PCLO: variants seen among roughly 807,000 people sequenced by gnomAD.
PCLO encodes protein piccolo.
In PCLO, 82 loss-of-function variants were observed where a neutral mutation model predicts 427.5. The ratio of observed to expected loss-of-function variants is 0.19; its 90% CI spans 0.16 to 0.23. The LOEUF (loss-of-function observed/expected upper bound fraction) is 0.23, where lower values mean the gene tolerates loss of function less well. PCLO is among the 10% of genes least tolerant of loss of function. PCLO has a pLI of 1.00. For synonymous variants in PCLO, 2,357 were observed against 2,155.4 expected, an observed-to-expected ratio of 1.09 and a Z score of -2.59; for missense variants, 6,239 against 6,115.9, an observed-to-expected ratio of 1.02 and a Z score of -0.67.
intron 3 of PCLO, among the ~76,000 whole-genome samples, chr7:83,131,801 G>A (rs10954712): frequency 0.48 from 72,872 of 151,600 alleles, 17,996 homozygotes; most frequent in African/African-American, 0.58. Context: ...ACAAAGATCT[G>A]GGAGGAGATG....
rs1790307831 is a variant in PCLO at position 82,755,868 on chromosome 7, T to G, written c.*2707A>C. On this transcript the variant is annotated 3_prime_UTR_variant, in exon 25 of 25. Coordinates refer to ENST00000333891, the MANE Select transcript of PCLO (RefSeq NM_033026.6). ...GAATAATTCCAGTACAACCTAGAAGTTTGGTCAGCTGCAAACTTGGCACAC... is the reference window on the plus strand; with the variant it reads ...GAATAATTCCAGTACAACCTAGAAGGTTGGTCAGCTGCAAACTTGGCACAC... 1 of 152,026 alleles carries G rather than the reference T, an allele frequency of 6.6e-6. No individual in the cohort carries two copies. The highest frequency in any genetic ancestry group is 2.1e-4 in the South Asian group (1 of 4,826). 9.4% of individuals were successfully genotyped at this position (152,026 alleles called of 1,614,324 possible).
chr7:82,833,606 A>T (rs1338165217), intron 16 of PCLO, among the ~76,000 whole-genome samples: 1 of 152,178 alleles, frequency 6.6e-6, no homozygotes, highest in African/African-American at 2.4e-5. Context: ...GATGTATTAC[A>T]TTTTAATATT....
chr7:83,100,129 A>T (rs1013859477), intron 3 of PCLO, among the ~76,000 whole-genome samples: 1 of 152,204 alleles, frequency 6.6e-6, no homozygotes, highest in Non-Finnish European at 1.5e-5. Context: ...CAATTAAAAA[A>T]TAATATAATT....
Position 82,954,190 on chromosome 7 carries a change from C to G in PCLO, c.6763G>C (p.Gly2255Arg), listed in dbSNP as rs866349531. The G allele has an allele frequency of 6.2e-7, 1 of 1,613,424 alleles. No individual in the cohort carries two copies. The highest frequency in any genetic ancestry group is 8.5e-7 in the Non-Finnish European group (1 of 1,179,606). The change falls in exon 5 of 25, where the codon GGT (glycine) becomes CGT (arginine). Residue 2255 changes from glycine to arginine, a missense_variant. Gly to Arg is a moderately radical substitution (Grantham distance 125, BLOSUM62 -2). This residue lies in a region of PCLO where 4,677 missense variants were observed against 4,468.4 expected (regional missense o/e 1.05). Transcript: ENST00000333891. ...ACAATATGATCAGCACTAGCTCTAC[C>G]ATCTGGTGGGGCAGTCCGATCTAAA... ...VSLDRTAPPD[G>R]RASADHIVIS...
chr7:82,830,947 G>A (rs970721521), intron 16 of PCLO, among the ~76,000 whole-genome samples: 4 of 151,822 alleles, frequency 2.6e-5, no homozygotes, highest in East Asian at 1.9e-4. Context: ...TGCCAACTCT[G>A]TATCAGGAAT....
intron 20 of PCLO, among the ~76,000 whole-genome samples, chr7:82,812,879 C>T (rs1323976580): frequency 6.6e-6 from 1 of 151,098 alleles, no homozygotes; most frequent in Non-Finnish European, 1.5e-5. Context: ...TTGCATTAGG[C>T]TGTCAGATAG....
intron 3 of PCLO, among the ~76,000 whole-genome samples, chr7:83,064,836 G>A (rs1789626573): frequency 6.6e-6 from 1 of 151,586 alleles, no homozygotes; most frequent in South Asian, 2.1e-4. Context: ...GAAAATAATT[G>A]GAAAAGAATA....
At chr7:82,989,831 T>G (rs1053029041) in intron 3 of PCLO, among the ~76,000 whole-genome samples, 1 of 152,156 alleles carries the variant, frequency 6.6e-6, no homozygotes, top group African/African-American at 2.4e-5. Flanking sequence ...AGAGTTATAC[T>G]ATGGTCCAAA....
At chr7:83,149,393 T>C (rs1410231207) in intron 2 of PCLO, among the ~76,000 whole-genome samples, 9 of 152,224 alleles carry the variant, frequency 5.9e-5, no homozygotes, top group African/African-American at 1.9e-4. Context: ...TACCAACTTA[T>C]GTTTTTGGAG....
chr7:82,917,193 T>C (rs1417860183), intron 6 of PCLO, among the ~76,000 whole-genome samples: 2 of 152,122 alleles, frequency 1.3e-5, no homozygotes, highest in African/African-American at 4.8e-5. Flanking sequence ...AAATTTAAAT[T>C]ACATTTGTTG....
chr7:83,135,416 G>A lies in PCLO; in HGVS notation c.2134C>T (p.Leu712Phe), dbSNP rs1247944060. The A allele has an allele frequency of 4.3e-6, 7 of 1,613,816 alleles. No individual in the cohort carries two copies. In the African/African-American group the frequency reaches 5.3e-5, roughly 12 times the overall value. Residue 712 changes from leucine to phenylalanine, a missense_variant, in exon 3 of 25, where the codon CTT (leucine) becomes TTT (phenylalanine). This residue lies in a region of PCLO where 4,677 missense variants were observed against 4,468.4 expected (regional missense o/e 1.05). Transcript: ENST00000333891. ...GCCTTGGCTGAAGGAGAGCCATGAA[G>A]GGTTGGTTGTTTCACTAGTGGTGGT... ...KPPPLVKQPT[L>F]HGSPSAKAKQ...
At chr7:83,157,278 T>A (rs1792325464) in intron 1 of PCLO, among the ~76,000 whole-genome samples, 1 of 152,184 alleles carries the variant, frequency 6.6e-6, no homozygotes, top group African/African-American at 2.4e-5. Flanking sequence ...TGAAGATCAG[T>A]GTTATCTTTT....
intron 10 of PCLO, among the ~76,000 whole-genome samples, chr7:82,871,094 G>A (rs1202621977): frequency 6.6e-6 from 1 of 151,828 alleles, no homozygotes; most frequent in African/African-American, 2.4e-5. Flanking sequence ...ACAATACACT[G>A]ATCCCACTGC....
Position 83,134,607 on chromosome 7 carries a change from T to G in PCLO, c.2943A>C (p.Lys981Asn), listed in dbSNP as rs1791666350. ...SQPPTSQGPPKSTGQAPPAPA... is the reference protein window; with the variant it reads ...SQPPTSQGPPNSTGQAPPAPA... ...GTGCTGGTGGTGCTTGACCTGTGGA[T>G]TTGGGTGGCCCTTGTGAAGTAGGTG... Residue 981 changes from lysine (K) to asparagine (N), a missense_variant, in exon 3 of 25, where the codon AAA becomes AAC. This residue lies in a region of PCLO where 4,677 missense variants were observed against 4,468.4 expected (regional missense o/e 1.05). Coordinates refer to ENST00000333891, the MANE Select transcript of PCLO (RefSeq NM_033026.6). The G allele has an allele frequency of 1.9e-6, 3 of 1,613,878 alleles. No homozygotes were observed. Among genetic ancestry groups the G allele is most frequent in the Non-Finnish European group, 2.5e-6 (3 of 1,179,860 alleles).
intron 3 of PCLO, among the ~76,000 whole-genome samples, chr7:83,068,992 T>C (rs1001955739): frequency 1.3e-5 from 2 of 152,174 alleles, no homozygotes; most frequent in Non-Finnish European, 2.9e-5. Context: ...ATCTCACTTA[T>C]ATGTGGAATT....
intron 2 of PCLO, among the ~76,000 whole-genome samples, chr7:83,144,552 A>G (rs1169205923): frequency 6.6e-6 from 1 of 152,204 alleles, no homozygotes; most frequent in African/African-American, 2.4e-5. Context: ...AATTATTAAA[A>G]TTTTACATAG....
intron 3 of PCLO, among the ~76,000 whole-genome samples, chr7:83,126,574 T>C (rs1305304894): frequency 6.6e-6 from 1 of 151,800 alleles, no homozygotes; most frequent in African/African-American, 2.4e-5. Context: ...CTTGATTGCA[T>C]AAAAATAAAA....
chr7:82,923,260 T>C (rs1794638821), intron 6 of PCLO, among the ~76,000 whole-genome samples: 1 of 151,990 alleles, frequency 6.6e-6, no homozygotes, highest in South Asian at 2.1e-4. Flanking sequence ...AGAAACTTAA[T>C]TTTTTGAAAA....
At chr7:82,863,918 C>A (rs1332313014) in intron 10 of PCLO, among the ~76,000 whole-genome samples, 1 of 151,836 alleles carries the variant, frequency 6.6e-6, no homozygotes, top group Non-Finnish European at 1.5e-5. Context: ...AGGACTCACA[C>A]AAAAAAGTTA....
Sources: allele counts gnomAD v4.1 joint callset (sites outside exome capture counted in the v4.1 genomes callset), GRCh38; gene constraint gnomAD v4.1.1; regional missense constraint gnomAD v4.1.1; transcripts MANE v1.5; gene names NCBI Gene and HGNC (gene_info 2026-07-23, HGNC 2026-07-21).